ATF7: variants seen among roughly 807,000 people sequenced by gnomAD.
ATF7 encodes cyclic AMP-dependent transcription factor ATF-7.
A neutral mutation model predicts 50.4 loss-of-function variants in ATF7; 10 were observed. That is an observed-to-expected ratio of 0.20 (90% CI 0.12 to 0.34). ATF7 has a LOEUF of 0.34. Ranked by LOEUF, ATF7 falls within the 10% of genes least tolerant of loss-of-function variation. The pLI, the probability that ATF7 is intolerant of heterozygous loss-of-function variation, is 1.00. For missense variants in ATF7, 465 were observed against 613.9 expected (o/e 0.76, Z 2.56); for synonymous variants, 201 against 226.4 (o/e 0.89, Z 1.01).
chr12:53,601,062 GCTGGAGC>G, intron 1 of ATF7, 41 bp from the exon 2 acceptor site: 1 of 1,372,778 alleles, frequency 7.3e-7, no homozygotes, highest in Admixed American at 2.5e-5. Flanking sequence ...TGTTAAATAT[GCTGGAGC>G]AAAAAAAAAA....
downstream of ATF7, among the ~76,000 whole-genome samples, chr12:53,510,359 G>A (rs1256352367): frequency 6.6e-6 from 1 of 152,172 alleles, no homozygotes; most frequent in African/African-American, 2.4e-5. Context: ...TTCTTAAAAG[G>A]GAGTATCAAG....
intron 2 of ATF7, among the ~76,000 whole-genome samples, chr12:53,586,622 G>C (rs1438165583): frequency 6.6e-6 from 1 of 152,186 alleles, no homozygotes; most frequent in Non-Finnish European, 1.5e-5. Context: ...GGTAATCAAA[G>C]CTTAGCATTA....
In ATF7 at chr12:53,552,636, C is replaced by T; in HGVS notation, c.50G>A (p.Arg17Lys). The T allele has an allele frequency of 6.2e-7, 1 of 1,612,050 alleles. No individual in the cohort carries two copies. The highest frequency in any genetic ancestry group is 8.5e-7 in the Non-Finnish European group (1 of 1,178,202). ...TGCCAGGTGGTCCTCGTTTGTAAAT[C>T]TCTGAAACGAAACAGAAATGGAGAT... ...FVCNAPGCGQ[R>K]FTNEDHLAVH... The change falls in exon 3 of 12, where the codon AGA (arginine) becomes AAA (lysine). Residue 17 changes from arginine to lysine, a missense_variant and splice_region_variant. By Grantham distance (26) the Arg-to-Lys change is conservative. Transcript: ENST00000420353.
intron 1 of ATF7, among the ~76,000 whole-genome samples, chr12:53,610,297 G>A (rs1317521693): frequency 6.6e-6 from 1 of 151,518 alleles, no homozygotes; most frequent in Non-Finnish European, 1.5e-5. Flanking sequence ...AGGTGCAGTG[G>A]CTCACACCTG....
At chr12:53,611,749 AC>A (rs1943889589) in intron 1 of ATF7, among the ~76,000 whole-genome samples, 1 of 151,712 alleles carries the variant, frequency 6.6e-6, no homozygotes, top group Admixed American at 6.6e-5. Context: ...TGCCACCATG[AC>A]CAGCTAATTG....
At chr12:53,615,943 T>G (rs1314493009) in intron 1 of ATF7, among the ~76,000 whole-genome samples, 4 of 152,176 alleles carry the variant, frequency 2.6e-5, no homozygotes, top group Non-Finnish European at 4.4e-5. Flanking sequence ...AAAGAATGGT[T>G]GTGCCCTATT....
chr12:53,542,067 A>G (rs1394448722), intron 4 of ATF7, among the ~76,000 whole-genome samples: 1 of 146,346 alleles, frequency 6.8e-6, no homozygotes, highest in Non-Finnish European at 1.5e-5. Flanking sequence ...TGGCCTCCCA[A>G]AGTGCTGGGA....
chr12:53,545,111 T>C (rs1190419317), intron 3 of ATF7, among the ~76,000 whole-genome samples: 2 of 152,070 alleles, frequency 1.3e-5, no homozygotes, highest in East Asian at 3.9e-4. Flanking sequence ...TTTCAGACCT[T>C]TGATATGAGG....
chr12:53,523,028 C>T, intron 11 of ATF7: 1 of 397,670 alleles, frequency 2.5e-6, no homozygotes, highest in South Asian at 3.6e-5. Context: ...CTGTAGCATG[C>T]CTAACACAAA....
At chr12:53,549,047 G>A (rs1444860619) in intron 3 of ATF7, among the ~76,000 whole-genome samples, 2 of 151,978 alleles carry the variant, frequency 1.3e-5, no homozygotes, top group Non-Finnish European at 2.9e-5. Context: ...AGCACTTTGG[G>A]AGGCTAAGGC....
intron 4 of ATF7, chr12:53,542,893 A>C: frequency 9.9e-7 from 1 of 1,010,032 alleles, no homozygotes; most frequent in Non-Finnish European, 1.2e-6. Flanking sequence ...AGAAGAGTGG[A>C]AATTTGATAA....
At position 53,550,387 on chromosome 12, in the gene ATF7, A is replaced by G. The variant is rs527309086; in HGVS notation, c.145+2154T>C. 5.9e-4 allele frequency among the ~76,000 whole-genome samples: 89 copies of G among 150,248 alleles called. 2 individuals are homozygous for G. Among genetic ancestry groups the G allele is most frequent in the African/African-American group, 2.1e-3 (86 of 41,304 alleles). ...ATAAATAATAAATATAAATAAATAA[A>G]GAGAAAACAGGAAAATAATGATAGA... On this transcript the variant is annotated intron_variant, in intron 3 of 11. Coordinates refer to ENST00000420353, the MANE Select transcript of ATF7 (RefSeq NM_006856.3).
intron 2 of ATF7, among the ~76,000 whole-genome samples, chr12:53,574,436 G>A (rs1278374577): frequency 1.3e-5 from 2 of 152,158 alleles, no homozygotes; most frequent in Non-Finnish European, 2.9e-5. Flanking sequence ...TCCATGGTGA[G>A]CAGGACAATG....
At chr12:53,604,131 T>C (rs139118413) in intron 1 of ATF7, among the ~76,000 whole-genome samples, 139 of 152,286 alleles carry the variant, frequency 9.1e-4, no homozygotes, top group African/African-American at 3.3e-3. Flanking sequence ...GATACACACA[T>C]TAAGAAGCAC....
At chr12:53,521,219 C>T (rs966438983) in intron 11 of ATF7, among the ~76,000 whole-genome samples, 2 of 152,084 alleles carry the variant, frequency 1.3e-5, no homozygotes, top group Admixed American at 6.6e-5. Context: ...CTCGAACTCT[C>T]GACCTCAGGT....
At chr12:53,625,251 C>G (rs959280839) in intron 1 of ATF7, among the ~76,000 whole-genome samples, 1 of 152,154 alleles carries the variant, frequency 6.6e-6, no homozygotes, top group Non-Finnish European at 1.5e-5. Context: ...AAGACCACAT[C>G]CTGGTGTCTG....
At position 53,524,367 on chromosome 12, in the gene ATF7, G is replaced by C. The variant is rs963096621; in HGVS notation, c.1125+197C>G. 1.8e-4 allele frequency among the ~76,000 whole-genome samples: 27 copies of C among 152,132 alleles called. No homozygotes were observed. Among genetic ancestry groups the C allele is most frequent in the Admixed American group, 9.8e-4 (15 of 15,258 alleles). On this transcript the variant is annotated intron_variant, in intron 10 of 11. Coordinates refer to ENST00000420353, the MANE Select transcript of ATF7 (RefSeq NM_006856.3). The surrounding 1 kb of genome is among the most constrained non-coding windows in gnomAD (Gnocchi z 4.6). ...AAGGATGACTCTAATAGGAGATTTG[G>C]GGGTAGATGGTGAGTGTCTTCACCA...
At position 53,513,091 on chromosome 12, in the gene ATF7, CTG is replaced by C. The variant is rs756375721; in HGVS notation, c.*4044_*4045del. ...AGTAGCTACTGCTGGTGAGATAACT[CTG>C]TGCTATTAGCCCCCCATTAAAAAAA... On this transcript the variant is annotated 3_prime_UTR_variant, in exon 12 of 12. Transcript: ENST00000420353. 6.6e-6 allele frequency: 1 copy of C among 152,154 alleles called. No homozygotes were observed. Among genetic ancestry groups the C allele is most frequent in the Non-Finnish European group, 1.5e-5 (1 of 68,028 alleles). The allele number at this position is 152,154 out of a possible 1,614,324, so 9.4% of individuals were successfully genotyped here.
chr12:53,516,428 C>T lies in ATF7; in HGVS notation c.*709G>A, dbSNP rs1565912172. Reference sequence around the variant, plus strand: ...GGGACAAAATGAGGTACCCAAATAGCTCTGCAAATAGATGAAAAAGAATTA... The same window carrying T: ...GGGACAAAATGAGGTACCCAAATAGTTCTGCAAATAGATGAAAAAGAATTA... On this transcript the variant is annotated 3_prime_UTR_variant, in exon 12 of 12. Coordinates refer to ENST00000420353, the MANE Select transcript of ATF7 (RefSeq NM_006856.3). The T allele has an allele frequency of 6.6e-6, 1 of 152,530 alleles. No individual in the cohort carries two copies. The highest frequency in any genetic ancestry group is 1.5e-5 in the Non-Finnish European group (1 of 68,070). 9.4% of individuals were successfully genotyped at this position (152,530 alleles called of 1,614,324 possible).
Sources: gnomAD v4.1 joint callset for allele counts (sites outside exome capture counted in the v4.1 genomes callset) on GRCh38, gnomAD v4.1.1 for gene constraint, Gnocchi (gnomAD v3.1) non-coding constraint, MANE v1.5 for transcripts, NCBI Gene and HGNC (gene_info 2026-07-23, HGNC 2026-07-21) for gene names.